The following LRRC37A2 variants were observed in gnomAD, a reference collection of about 807,000 sequenced individuals.
LRRC37A2 encodes the protein leucine rich repeat containing 37 member A2, also known as leucine-rich repeat-containing protein 37A2.
In LRRC37A2, 9 loss-of-function variants were observed where a neutral mutation model predicts 68.8. The observed-to-expected ratio is 0.13, with a 90% confidence interval of 0.08 to 0.23. LRRC37A2 has a LOEUF of 0.23. Among genes scored for constraint, LRRC37A2 ranks in the 10% least tolerant of loss-of-function variants. LRRC37A2 has a pLI of 1.00. For synonymous variants in LRRC37A2, 63 were observed against 367.6 expected, an observed-to-expected ratio of 0.17 and a Z score of 9.48; for missense variants, 168 against 950.4, an observed-to-expected ratio of 0.18 and a Z score of 10.82.
chr17:46,941,000 C>A, the LRRC37A2 span: 1 of 1,138,628 alleles, frequency 8.8e-7, no homozygotes, highest in Middle Eastern at 4.0e-4. Context: ...GAAGGAGCAC[C>A]CTCTAGTGGA....
chr17:46,494,897 T>A, the LRRC37A2 span, among the ~76,000 whole-genome samples: 1 of 151,264 alleles, frequency 6.6e-6, no homozygotes, highest in Admixed American at 6.6e-5. Flanking sequence ...CACCCTACTG[T>A]GCAAATAAAA....
the LRRC37A2 span, among the ~76,000 whole-genome samples, chr17:46,901,094 A>G: frequency 3.9e-5 from 6 of 152,194 alleles, no homozygotes; most frequent in Non-Finnish European, 8.8e-5. Flanking sequence ...TAGGAGGAAG[A>G]TGTTTGAGGT....
the LRRC37A2 span, chr17:46,756,990 C>CCT: frequency 6.6e-6 from 1 of 152,192 alleles, no homozygotes; most frequent in Non-Finnish European, 1.5e-5. Flanking sequence ...ATGGAGTGTG[C>CCT]CTCTCTCTCC....
chr17:46,869,781 T>C, the LRRC37A2 span, among the ~76,000 whole-genome samples: 1 of 152,104 alleles, frequency 6.6e-6, no homozygotes. Flanking sequence ...GGCAGGTCAC[T>C]TGAAGTCAGG....
At chr17:46,837,024 C>G in the LRRC37A2 span, among the ~76,000 whole-genome samples, 2 of 152,058 alleles carry the variant, frequency 1.3e-5, no homozygotes, top group East Asian at 1.9e-4. Flanking sequence ...CTCACTGCAA[C>G]CTCCACCTCC....
chr17:46,957,772 C>T, the LRRC37A2 span, among the ~76,000 whole-genome samples: 284 of 152,264 alleles, frequency 1.9e-3, no homozygotes, highest in Non-Finnish European at 3.2e-3. Flanking sequence ...TTGGTAGAAG[C>T]AGCGATGGGG....
At chr17:47,015,004 A>AT in the LRRC37A2 span, among the ~76,000 whole-genome samples, 3 of 65,058 alleles carry the variant, frequency 4.6e-5, no homozygotes, top group African/African-American at 9.9e-5. Context: ...TACCATTTTT[A>AT]TCTTTTTTTT....
chr17:46,872,724 T>C, the LRRC37A2 span: 16 of 1,610,714 alleles, frequency 9.9e-6, no homozygotes, highest in Non-Finnish European at 1.4e-5. Flanking sequence ...AGTTCCGGCA[T>C]GAGCGCTGGA....
At chr17:46,985,519 CAAAAAAA>C in the LRRC37A2 span, among the ~76,000 whole-genome samples, 1 of 111,418 alleles carries the variant, frequency 9.0e-6, no homozygotes, top group Middle Eastern at 4.3e-3. Flanking sequence ...GATTCCATCT[CAAAAAAA>C]AAAAAAAAAG....
chr17:46,813,150 G>A, the LRRC37A2 span, among the ~76,000 whole-genome samples: 5 of 151,846 alleles, frequency 3.3e-5, no homozygotes, highest in African/African-American at 7.3e-5. Flanking sequence ...AGAAACGGGT[G>A]GACTGTCTAA....
the LRRC37A2 span, among the ~76,000 whole-genome samples, chr17:46,754,660 C>T: frequency 1.3e-5 from 2 of 152,156 alleles, no homozygotes; most frequent in Non-Finnish European, 2.9e-5. Context: ...CTAATAATAA[C>T]GACCTGAACG....
At chr17:46,916,994 C>A in the LRRC37A2 span, among the ~76,000 whole-genome samples, 1 of 152,182 alleles carries the variant, frequency 6.6e-6, no homozygotes, top group South Asian at 2.1e-4. Context: ...AATTGCCTCC[C>A]AAAGGCCCCA....
the LRRC37A2 span, among the ~76,000 whole-genome samples, chr17:46,492,206 C>A: frequency 6.6e-6 from 1 of 151,410 alleles, no homozygotes; most frequent in Admixed American, 6.6e-5. Context: ...CTCAGGTAAT[C>A]CGCCGGCCTC....
the LRRC37A2 span, among the ~76,000 whole-genome samples, chr17:46,438,240 G>T: frequency 3.9e-5 from 2 of 51,260 alleles, no homozygotes; most frequent in African/African-American, 1.2e-4. Context: ...AATGGCTCCA[G>T]GTGGGATACT....
chr17:46,715,700 C>T, the LRRC37A2 span, among the ~76,000 whole-genome samples: 3 of 152,126 alleles, frequency 2.0e-5, no homozygotes, highest in African/African-American at 4.8e-5. Flanking sequence ...ATTTTAATCT[C>T]TTGCAAATTG....
the LRRC37A2 span, among the ~76,000 whole-genome samples, chr17:46,611,622 GA>G: frequency 7.3e-6 from 1 of 137,542 alleles, no homozygotes; most frequent in African/African-American, 2.9e-5. Flanking sequence ...ATTAACTGGG[GA>G]AAGAATAATC....
chr17:46,714,238 A>T, the LRRC37A2 span, among the ~76,000 whole-genome samples: 1 of 152,190 alleles, frequency 6.6e-6, no homozygotes, highest in Non-Finnish European at 1.5e-5. Flanking sequence ...TTCATTGCCT[A>T]GTTTTGTATC....
At chr17:46,671,887 G>T in the LRRC37A2 span, among the ~76,000 whole-genome samples, 3 of 144,560 alleles carry the variant, frequency 2.1e-5, no homozygotes, top group Admixed American at 2.1e-4. Context: ...TCTTGCAAAT[G>T]TATTTTTTTT....
the LRRC37A2 span, among the ~76,000 whole-genome samples, chr17:46,503,272 G>A: frequency 3.4e-5 from 5 of 147,550 alleles, no homozygotes; most frequent in South Asian, 2.1e-4. Context: ...TTTCTCTTCA[G>A]TGGGAAAAAG....
Sources: allele counts gnomAD v4.1 joint callset (sites outside exome capture counted in the v4.1 genomes callset), GRCh38; gene constraint gnomAD v4.1.1; transcripts MANE v1.5; gene names NCBI Gene and HGNC (gene_info 2026-07-23, HGNC 2026-07-21).